KATNIP: variants seen among roughly 807,000 people sequenced by gnomAD.
KATNIP encodes the protein katanin interacting protein.
A neutral mutation model predicts 174.0 loss-of-function variants in KATNIP; 126 were observed. The ratio of observed to expected loss-of-function variants is 0.72; its 90% CI spans 0.63 to 0.84. The LOEUF (loss-of-function observed/expected upper bound fraction) is 0.84. Among genes scored for constraint, KATNIP ranks in the 40% least tolerant of loss-of-function variants. The pLI is 0.00. For synonymous variants in KATNIP, 810 were observed against 835.7 expected (o/e 0.97, Z 0.53); for missense variants, 1,958 against 2,109.7 (o/e 0.93, Z 1.41).
At chr16:27,721,505 TG>T in intron 13 of KATNIP, 52 bp from the exon 14 acceptor site, 4 of 1,610,972 alleles carry the variant, frequency 2.5e-6, no homozygotes, top group Non-Finnish European at 2.5e-6. Flanking sequence ...CATTTTACTT[TG>T]GGGAGAGGCA....
Position 27,550,194 on chromosome 16 carries a change from C to G in KATNIP, c.7+17C>G. The G allele has an allele frequency of 6.2e-7, 1 of 1,607,734 alleles. No homozygotes were observed. Among genetic ancestry groups the G allele is most frequent in the South Asian group, 1.1e-5 (1 of 90,846 alleles). ...GGATGGACGGTGAGTGTCTGTGGGC[C>G]CCTCCGGGAGGTCGGGCTGTTATTC... On this transcript the variant is annotated intron_variant, in intron 1 of 27. Coordinates refer to ENST00000261588, the MANE Select transcript of KATNIP (RefSeq NM_015202.5).
chr16:27,766,507 A>G (rs1445208526), intron 20 of KATNIP, 33 bp downstream of exon 20: 5 of 1,592,852 alleles, frequency 3.1e-6, no homozygotes, highest in South Asian at 1.1e-5. Context: ...TGCTCAGTCC[A>G]GCATCAGGGA....
chr16:27,640,934 G>A (rs1216131867), intron 5 of KATNIP, among the ~76,000 whole-genome samples: 2 of 152,072 alleles, frequency 1.3e-5, no homozygotes, highest in Non-Finnish European at 2.9e-5. Context: ...TCAGGAGTTC[G>A]ATACCAGCCT....
At chr16:27,609,162 A>G (rs1030779465) in intron 2 of KATNIP, among the ~76,000 whole-genome samples, 2 of 152,132 alleles carry the variant, frequency 1.3e-5, no homozygotes, top group Admixed American at 1.3e-4. Flanking sequence ...GGAATGCACA[A>G]TGAACAAACT....
At chr16:27,682,402 AG>A (rs373313671) in intron 8 of KATNIP, among the ~76,000 whole-genome samples, 215 of 152,324 alleles carry the variant, frequency 1.4e-3, no homozygotes, top group African/African-American at 4.5e-3. Context: ...GCTTTGTAGC[AG>A]GGGCTACCAT....
At chr16:27,655,329 G>A (rs1180415207) in intron 6 of KATNIP, among the ~76,000 whole-genome samples, 2 of 149,934 alleles carry the variant, frequency 1.3e-5, no homozygotes, top group Non-Finnish European at 3.0e-5. Context: ...GAACTCCTGG[G>A]CTCTAGTGAT....
chr16:27,747,789 G>A (rs1211948272), intron 15 of KATNIP, among the ~76,000 whole-genome samples: 4 of 152,150 alleles, frequency 2.6e-5, no homozygotes, highest in Admixed American at 6.5e-5. Flanking sequence ...CAGAGCACCT[G>A]AGCGAAACAG....
At chr16:27,696,524 C>G (rs1329572315) in intron 8 of KATNIP, among the ~76,000 whole-genome samples, 2 of 152,082 alleles carry the variant, frequency 1.3e-5, no homozygotes, top group African/African-American at 4.8e-5. Context: ...ACCTCAGTGT[C>G]TGTTGTTCCC....
At chr16:27,574,278 A>G (rs2090407937) in intron 2 of KATNIP, 1 of 347,294 alleles carries the variant, frequency 2.9e-6, no homozygotes, top group African/African-American at 2.1e-5. Flanking sequence ...GTTTGGGCTT[A>G]TCTGGGCAGT....
intron 14 of KATNIP, among the ~76,000 whole-genome samples, chr16:27,737,215 A>C (rs1221577281): frequency 6.6e-6 from 1 of 151,570 alleles, no homozygotes; most frequent in Non-Finnish European, 1.5e-5. Flanking sequence ...CCGTCTCTAC[A>C]AAAAAAAATT....
intron 5 of KATNIP, among the ~76,000 whole-genome samples, chr16:27,647,429 A>T (rs183714595): frequency 1.3e-4 from 20 of 151,000 alleles, no homozygotes; most frequent in Non-Finnish European, 2.8e-4. Flanking sequence ...GCAGCCTCGA[A>T]CTCCTGGGCT....
intron 2 of KATNIP, among the ~76,000 whole-genome samples, chr16:27,577,565 G>A (rs2090544779): frequency 6.6e-6 from 1 of 152,100 alleles, no homozygotes; most frequent in South Asian, 2.1e-4. Flanking sequence ...GGTGGCAGGT[G>A]CCTGTAATCC....
At chr16:27,769,516 T>G (rs1312030055) in intron 20 of KATNIP, among the ~76,000 whole-genome samples, 1 of 152,230 alleles carries the variant, frequency 6.6e-6, no homozygotes, top group African/African-American at 2.4e-5. Context: ...ACACAGCTAC[T>G]AGTGGTGCAC....
chr16:27,708,939 G>T lies in KATNIP; in HGVS notation c.1605+19G>T, dbSNP rs2079443727. On this transcript the variant is annotated intron_variant, in intron 13 of 27. Transcript: ENST00000261588. ...CTTAGCTGTGAGTGGAAGGGGCACT[G>T]GATTGCTTCTTGGCTGTGTATTCCC... 2 of 1,584,976 alleles carry T rather than the reference G, an allele frequency of 1.3e-6. No homozygotes were observed. Among genetic ancestry groups the T allele is most frequent in the African/African-American group, 2.7e-5 (2 of 74,474 alleles).
chr16:27,639,547 A>G (rs563755083), intron 5 of KATNIP, among the ~76,000 whole-genome samples: 4 of 152,204 alleles, frequency 2.6e-5, no homozygotes, highest in Non-Finnish European at 5.9e-5. Flanking sequence ...TTGGCCTTCC[A>G]GCAATTTACT....
chr16:27,726,064 T>C (rs1005622446), intron 14 of KATNIP, among the ~76,000 whole-genome samples: 1 of 152,210 alleles, frequency 6.6e-6, no homozygotes, highest in African/African-American at 2.4e-5. Flanking sequence ...GAGCACCAGA[T>C]GAGCCAGCAT....
At chr16:27,561,302 C>G (rs2089873628) in intron 1 of KATNIP, among the ~76,000 whole-genome samples, 2 of 151,920 alleles carry the variant, frequency 1.3e-5, no homozygotes. Flanking sequence ...GGATTACAGG[C>G]GTGGGCCACT....
At chr16:27,669,340 T>G (rs2077804005) in intron 6 of KATNIP, 1 of 982,608 alleles carries the variant, frequency 1.0e-6, no homozygotes, top group Non-Finnish European at 1.2e-6. Flanking sequence ...GAGACCCATT[T>G]GTGTGCAGTC....
chr16:27,597,878 T>C (rs901751251), intron 2 of KATNIP, among the ~76,000 whole-genome samples: 1 of 152,070 alleles, frequency 6.6e-6, no homozygotes, highest in Non-Finnish European at 1.5e-5. Context: ...GGTTGGAAGG[T>C]GGGACCAGGA....
Sources: allele counts gnomAD v4.1 joint callset (sites outside exome capture counted in the v4.1 genomes callset), GRCh38; gene constraint gnomAD v4.1.1; transcripts MANE v1.5; gene names NCBI Gene and HGNC (gene_info 2026-07-23, HGNC 2026-07-21).